ZFHX3: variants seen among roughly 807,000 people sequenced by gnomAD.
The protein encoded by ZFHX3 is zinc finger homeobox protein 3.
A neutral mutation model predicts 279.1 loss-of-function variants in ZFHX3; 42 were observed. The observed-to-expected ratio is 0.15, with a 90% CI of 0.12 to 0.19. The LOEUF is 0.19. Ranked by LOEUF, ZFHX3 falls within the 10% of genes least tolerant of loss-of-function variation. The pLI is 1.00. For missense variants in ZFHX3, 4,981 were observed against 4,754.0 expected (o/e 1.05, Z -1.40); for synonymous variants, 2,293 against 1,957.8 (o/e 1.17, Z -4.52).
chr16:72,864,027 G>C (rs1341844316), intron 4 of ZFHX3, among the ~76,000 whole-genome samples: 1 of 152,060 alleles, frequency 6.6e-6, no homozygotes, highest in Non-Finnish European at 1.5e-5. Flanking sequence ...TGAGGCAGGA[G>C]AATGGCGTGA....
At chr16:73,436,072 G>A (rs922821369) in intron 3 of ZFHX3, among the ~76,000 whole-genome samples, 1 of 152,220 alleles carries the variant, frequency 6.6e-6, no homozygotes, top group African/African-American at 2.4e-5. Flanking sequence ...GCTCACGCCT[G>A]TAATCTCAAC....
At chr16:73,876,446 A>T (rs1452603082) in intron 1 of ZFHX3, among the ~76,000 whole-genome samples, 1 of 152,210 alleles carries the variant, frequency 6.6e-6, no homozygotes, top group African/African-American at 2.4e-5. Flanking sequence ...CATGCATATT[A>T]AATGTCATGC....
chr16:73,119,210 C>T (rs1327399147), intron 7 of ZFHX3, among the ~76,000 whole-genome samples: 1 of 152,020 alleles, frequency 6.6e-6, no homozygotes, highest in Admixed American at 6.6e-5. Flanking sequence ...CTCAAGTGAT[C>T]CTCCTGCCTC....
chr16:73,215,565 C>A (rs931469319), intron 5 of ZFHX3, among the ~76,000 whole-genome samples: 2 of 152,194 alleles, frequency 1.3e-5, no homozygotes, highest in South Asian at 4.1e-4. Context: ...TAGGACCCTG[C>A]AGTTTCAGAA....
intron 5 of ZFHX3, among the ~76,000 whole-genome samples, chr16:73,179,779 T>C (rs1180083978): frequency 6.6e-6 from 1 of 152,178 alleles, no homozygotes; most frequent in Non-Finnish European, 1.5e-5. Flanking sequence ...TATCAGTCTG[T>C]GGTTTGTCTG....
chr16:73,140,781 G>A (rs1966845835), intron 6 of ZFHX3, among the ~76,000 whole-genome samples: 1 of 152,214 alleles, frequency 6.6e-6, no homozygotes, highest in Admixed American at 6.5e-5. Flanking sequence ...TTGAACCCGG[G>A]AGGTGGAGGT....
chr16:73,433,765 C>T lies in ZFHX3; in HGVS notation c.-1291+22238G>A, dbSNP rs543924532. Among the ~76,000 whole-genome samples the T allele has an allele frequency of 2.0e-5, 3 of 152,294 alleles. No individual in the cohort carries two copies. The East Asian group carries it at 5.8e-4, about 29-fold the overall frequency. ...TTCTGGAAGGGCCTGGGGAGTGAGC[C>T]TGCAGCGGCAGACAGAGCTGAGCCC... On this transcript the variant is annotated intron_variant, in intron 3 of 17. Coordinates refer to the ZFHX3 transcript ENST00000641206.
chr16:73,359,659 C>G (rs2016403367), intron 3 of ZFHX3, among the ~76,000 whole-genome samples: 1 of 152,196 alleles, frequency 6.6e-6, no homozygotes, highest in African/African-American at 2.4e-5. Flanking sequence ...GCCGGACCAG[C>G]TGTGGCATGG....
At chr16:73,158,936 G>C (rs1454622274) in intron 5 of ZFHX3, among the ~76,000 whole-genome samples, 1 of 152,154 alleles carries the variant, frequency 6.6e-6, no homozygotes, top group Admixed American at 6.5e-5. Context: ...ACTCAAGATG[G>C]ATTAAAGACT....
intron 1 of ZFHX3, among the ~76,000 whole-genome samples, chr16:73,686,357 G>C (rs1366987084): frequency 6.6e-6 from 1 of 152,194 alleles, no homozygotes; most frequent in African/African-American, 2.4e-5. Flanking sequence ...GCCTCCCAAA[G>C]TGCTGGGATA....
Position 72,788,061 on chromosome 16 carries a change from G to C in ZFHX3, c.10215C>G (p.Pro3405=), listed in dbSNP as rs190630380. 9.3e-4 allele frequency: 1,503 copies of C among 1,611,096 alleles called. 16 individuals are homozygous for C. The East Asian group carries it at 0.022, about 23-fold the overall frequency. Residue 3405 remains proline (P), a synonymous_variant, in exon 10 of 10, where the codon CCC becomes CCG. Coordinates refer to ENST00000268489, the MANE Select transcript of ZFHX3 (RefSeq NM_006885.4). ...QPKASQTPVP[P]GAPSPDKDPA... is the part of the protein sequence containing the mutation. ...GGTCTTTGTCTGGGGAAGGAGCCCC[G>C]GGGGGGACTGGGGTTTGGCTTGCTT... is the stretch of plus-strand genomic sequence containing the variant.
intron 2 of ZFHX3, chr16:73,500,128 G>T (rs1003328647): frequency 6.6e-6 from 1 of 152,308 alleles, no homozygotes; most frequent in Non-Finnish European, 1.5e-5. Flanking sequence ...CCCCAGGCAA[G>T]TCCTTTAGGA....
chr16:73,745,853 G>A (rs1372482556), intron 1 of ZFHX3, among the ~76,000 whole-genome samples: 1 of 152,058 alleles, frequency 6.6e-6, no homozygotes, highest in Admixed American at 6.6e-5. Flanking sequence ...GTGGCAGTTG[G>A]ATTAGTCTTC....
intron 5 of ZFHX3, among the ~76,000 whole-genome samples, chr16:73,156,350 T>C (rs549773791): frequency 1.3e-5 from 2 of 151,684 alleles, no homozygotes; most frequent in East Asian, 3.9e-4. Context: ...AAAAAAATGA[T>C]TTGAGGTACT....
chr16:72,886,293 G>A (rs2038619590), intron 4 of ZFHX3, among the ~76,000 whole-genome samples: 1 of 151,970 alleles, frequency 6.6e-6, no homozygotes, highest in African/African-American at 2.4e-5. Context: ...GTAGGGGAGA[G>A]AGCAAAAACA....
chr16:73,425,701 G>A (rs909007454), intron 3 of ZFHX3, among the ~76,000 whole-genome samples: 2 of 152,070 alleles, frequency 1.3e-5, no homozygotes, highest in Non-Finnish European at 2.9e-5. Context: ...TAGGGGAGGA[G>A]GCATAATCAT....
At chr16:73,473,069 A>T (rs191240497) in intron 2 of ZFHX3, among the ~76,000 whole-genome samples, 1 of 151,472 alleles carries the variant, frequency 6.6e-6, no homozygotes, top group African/African-American at 2.4e-5. Flanking sequence ...GGCTGGGCAC[A>T]GTGGCTCATG....
chr16:72,929,260 G>A (rs1293103544), intron 3 of ZFHX3, among the ~76,000 whole-genome samples: 1 of 151,404 alleles, frequency 6.6e-6, no homozygotes, highest in African/African-American at 2.4e-5. Context: ...AAAAAAAAGA[G>A]TGAGGTAAAA....
chr16:73,612,932 G>A (rs1159860), intron 2 of ZFHX3, among the ~76,000 whole-genome samples: 86,503 of 151,428 alleles, frequency 0.57, 27,836 homozygotes, highest in East Asian at 0.82. Flanking sequence ...GTTAAAAAAA[G>A]GAGGAGATGA....
Sources: allele counts gnomAD v4.1 joint callset (sites outside exome capture counted in the v4.1 genomes callset), GRCh38; gene constraint gnomAD v4.1.1; transcripts MANE v1.5; gene names NCBI Gene and HGNC (gene_info 2026-07-23, HGNC 2026-07-21).